The following EXD2 variants were observed in gnomAD, a reference collection of about 807,000 sequenced individuals.
EXD2 encodes the protein exonuclease 3'-5' domain containing 2, also known as exonuclease 3'-5' domain-containing protein 2.
In EXD2, 40 loss-of-function variants were observed where a neutral mutation model predicts 62.5. The ratio of observed to expected loss-of-function variants is 0.64; its 90% CI spans 0.50 to 0.83. EXD2 has a LOEUF of 0.83. Among genes scored for constraint, EXD2 ranks in the 40% least tolerant of loss-of-function variants. EXD2 has a pLI of 0.00. For synonymous variants in EXD2, 239 were observed against 291.9 expected (o/e 0.82, Z 1.85); for missense variants, 671 against 761.8 (o/e 0.88, Z 1.40).
At chr14:69,230,753 A>G (rs1359491892) in intron 5 of EXD2, among the ~76,000 whole-genome samples, 155 bp downstream of exon 5, 2 of 152,222 alleles carry the variant, frequency 1.3e-5, no homozygotes, top group African/African-American at 2.4e-5. Flanking sequence ...ACTGGTCTAC[A>G]ATAATCACTT....
At chr14:69,211,976 C>CATT (rs2042819683) in intron 3 of EXD2, among the ~76,000 whole-genome samples, 1 of 152,182 alleles carries the variant, frequency 6.6e-6, no homozygotes, top group South Asian at 2.1e-4. Flanking sequence ...TCCCTTTAGG[C>CATT]ATGACTGCAT....
rs114768007 is a variant in EXD2, at chr14:69,224,973, C to T, written c.334-3843C>T. On this transcript the variant is annotated intron_variant, in intron 3 of 9. Coordinates refer to ENST00000685843, the MANE Select transcript of EXD2 (RefSeq NM_001193360.2). ...CAGCCTGGCAACAGAGACTCCGTCT[C>T]AAAAAAAAAGAATAAAACGCAGATG... Among the ~76,000 whole-genome samples, 671 of 151,126 alleles carry T rather than the reference C, an allele frequency of 4.4e-3. 9 individuals are homozygous for T. Among genetic ancestry groups the T allele is most frequent in the African/African-American group, 0.016 (645 of 41,240 alleles).
intron 1 of EXD2, among the ~76,000 whole-genome samples, chr14:69,193,456 T>G (rs183035222): frequency 5.7e-4 from 87 of 152,330 alleles, no homozygotes; most frequent in African/African-American, 2.1e-3. Context: ...TTAATTTGCA[T>G]TCCCCTGATT....
At chr14:69,215,008 G>A (rs1241340242) in intron 3 of EXD2, among the ~76,000 whole-genome samples, 4 of 152,046 alleles carry the variant, frequency 2.6e-5, no homozygotes, top group South Asian at 4.1e-4. Flanking sequence ...TAGTCCGGGC[G>A]TGGTGGCTAA....
At chr14:69,192,591 CCTT>C (rs1156307823) in intron 1 of EXD2, among the ~76,000 whole-genome samples, 4 of 151,598 alleles carry the variant, frequency 2.6e-5, no homozygotes, top group Non-Finnish European at 5.9e-5. Context: ...TCCATCTCCA[CCTT>C]CTTTACCAGT....
chr14:69,236,500 A>G lies in EXD2; in HGVS notation c.1250A>G (p.Glu417Gly). Residue 417 changes from glutamate to glycine, a missense_variant, in exon 8 of 10, where the codon GAG becomes GGG. Coordinates refer to ENST00000685843, the MANE Select transcript of EXD2 (RefSeq NM_001193360.2). ...GGAGACTATTACTTGATGGTTAAAG[A>G]GAACCTGTGTGTAGTGTGTGGCAAG... ...SPGDYYLMVK[E>G]NLCVVCGKRD... The G allele has an allele frequency of 6.2e-7, 1 of 1,614,194 alleles. No homozygotes were observed. The highest frequency in any genetic ancestry group is 8.5e-7 in the Non-Finnish European group (1 of 1,180,020).
chr14:69,238,025 G>C lies in EXD2; in HGVS notation c.1649+94G>C, dbSNP rs561434296. The C allele has an allele frequency of 1.3e-3, 1,426 of 1,102,184 alleles. 2 individuals carry two copies. The highest frequency in any genetic ancestry group is 1.7e-3 in the Non-Finnish European group (1,312 of 761,696). 68.3% of individuals were successfully genotyped at this position (1,102,184 alleles called of 1,614,324 possible). ...CAGGGAGGGGGCATTGGCTGCTTAG[G>C]CACAGTGCCTAGCCTCATGCTTCAC... On this transcript the variant is annotated intron_variant, in intron 9 of 9. Coordinates refer to ENST00000685843, the MANE Select transcript of EXD2 (RefSeq NM_001193360.2).
At chr14:69,206,485 T>TGAGA (rs2042607662) in intron 2 of EXD2, among the ~76,000 whole-genome samples, 1 of 95,918 alleles carries the variant, frequency 1.0e-5, no homozygotes, top group Non-Finnish European at 2.1e-5. Context: ...TTTTTTTTTT[T>TGAGA]TGAGATAGGG....
chr14:69,221,486 C>G, intron 3 of EXD2, among the ~76,000 whole-genome samples: 1 of 151,982 alleles, frequency 6.6e-6, no homozygotes, highest in South Asian at 2.1e-4. Flanking sequence ...TGGCATAAAC[C>G]AAGTGTAGTG....
intron 3 of EXD2, among the ~76,000 whole-genome samples, chr14:69,215,672 A>T (rs962920937): frequency 1.3e-5 from 2 of 152,062 alleles, no homozygotes; most frequent in Non-Finnish European, 2.9e-5. Context: ...AATTTTATCC[A>T]TTCTGTTGGG....
chr14:69,196,617 C>T (rs1167915721), intron 1 of EXD2, among the ~76,000 whole-genome samples: 1 of 126,930 alleles, frequency 7.9e-6, no homozygotes, highest in Non-Finnish European at 1.6e-5. Context: ...ACATTATTGC[C>T]AGCACTTTTT....
At chr14:69,217,067 T>C (rs1391710986) in intron 3 of EXD2, among the ~76,000 whole-genome samples, 1 of 152,144 alleles carries the variant, frequency 6.6e-6, no homozygotes, top group Non-Finnish European at 1.5e-5. Context: ...TCTTTTATTT[T>C]TTAGAGACAT....
intron 3 of EXD2, chr14:69,210,319 A>G (rs958397373): frequency 6.5e-6 from 1 of 154,798 alleles, no homozygotes; most frequent in African/African-American, 2.4e-5. Context: ...TTAGGATTTT[A>G]AAAGATAACA....
At chr14:69,200,568 G>T (rs968610095) in intron 1 of EXD2, among the ~76,000 whole-genome samples, 2 of 151,846 alleles carry the variant, frequency 1.3e-5, no homozygotes, top group Non-Finnish European at 2.9e-5. Context: ...AATTACCCAG[G>T]CATCGTGGGG....
intron 3 of EXD2, among the ~76,000 whole-genome samples, chr14:69,222,950 T>C (rs1256833712): frequency 2.0e-5 from 3 of 152,190 alleles, no homozygotes; most frequent in African/African-American, 7.2e-5. Flanking sequence ...CTCATATAAA[T>C]GAAAAAGCTG....
At chr14:69,226,979 A>G (rs185177708) in intron 3 of EXD2, among the ~76,000 whole-genome samples, 3 of 152,276 alleles carry the variant, frequency 2.0e-5, no homozygotes, top group Non-Finnish European at 2.9e-5. Context: ...CTGTAAGATT[A>G]TAAATTCCTT....
At chr14:69,193,430 A>T (rs988268213) in intron 1 of EXD2, among the ~76,000 whole-genome samples, 1 of 152,000 alleles carries the variant, frequency 6.6e-6, no homozygotes, top group African/African-American at 2.4e-5. Context: ...TGGAAAAGTG[A>T]TTTCTCTTTG....
rs983141736 is a variant in EXD2, at chr14:69,242,027, C to T, written c.*927C>T. 1.0e-5 allele frequency: 4 copies of T among 398,484 alleles called. No individual in the cohort carries two copies. The highest frequency in any genetic ancestry group is 8.2e-5 in the African/African-American group (4 of 48,622). 24.7% of individuals were successfully genotyped at this position (398,484 alleles called of 1,614,324 possible). A position where few individuals can be genotyped will look rare whatever the true frequency, so the allele number is the denominator to read the frequency against. On this transcript the variant is annotated 3_prime_UTR_variant, in exon 10 of 10. Transcript: ENST00000685843. The stretch of plus-strand genomic sequence containing the variant: ...TGACCTCTTTTAAGCATTTAATTCA[C>T]TCCCAGAGTCATCTGGTCAGGTTGC...
At chr14:69,201,595 C>T (rs2042399100) in intron 1 of EXD2, among the ~76,000 whole-genome samples, 1 of 151,564 alleles carries the variant, frequency 6.6e-6, no homozygotes, top group African/African-American at 2.4e-5. Context: ...TCCTGTCTGG[C>T]TCCTGCACCT....
Sources: gnomAD v4.1 joint callset for allele counts (sites outside exome capture counted in the v4.1 genomes callset) on GRCh38, gnomAD v4.1.1 for gene constraint, MANE v1.5 for transcripts, NCBI Gene and HGNC (gene_info 2026-07-23, HGNC 2026-07-21) for gene names.